The following FRAS1 variants were observed in gnomAD, a reference collection of about 807,000 sequenced individuals.
The protein encoded by FRAS1 is Fraser extracellular matrix complex subunit 1.
In FRAS1, 290 loss-of-function variants were observed where a neutral mutation model predicts 435.2. The observed-to-expected ratio is 0.67, with a 90% CI of 0.61 to 0.73. FRAS1 has a LOEUF of 0.73. Ranked by LOEUF, FRAS1 falls within the 30% of genes least tolerant of loss-of-function variation. The pLI is 0.00. For synonymous variants in FRAS1, 1,800 were observed against 1,851.0 expected, an observed-to-expected ratio of 0.97 and a Z score of 0.71; for missense variants, 4,860 against 5,001.5, an observed-to-expected ratio of 0.97 and a Z score of 0.85.
intron 27 of FRAS1, among the ~76,000 whole-genome samples, chr4:78,383,584 G>A (rs28654799): frequency 0.14 from 21,295 of 152,016 alleles, 1,877 homozygotes; most frequent in African/African-American, 0.25. Context: ...ATGAACAGCC[G>A]TGTAATACAG....
At chr4:78,202,325 G>A (rs1723079974) in intron 2 of FRAS1, among the ~76,000 whole-genome samples, 1 of 152,192 alleles carries the variant, frequency 6.6e-6, no homozygotes, top group Non-Finnish European at 1.5e-5. Flanking sequence ...CTCTCTGGAT[G>A]GAGCAGTGAC....
intron 4 of FRAS1, among the ~76,000 whole-genome samples, chr4:78,249,993 TTTAAA>T (rs1725454750): frequency 6.6e-6 from 1 of 152,124 alleles, no homozygotes; most frequent in South Asian, 2.1e-4. Context: ...CTATATAGTC[TTTAAA>T]TTAAGACTTT....
chr4:78,372,951 C>A, intron 24 of FRAS1, 93 bp downstream of exon 24: 1 of 1,388,972 alleles, frequency 7.2e-7, no homozygotes, highest in African/African-American at 1.5e-5. Flanking sequence ...CAAGTTTCCC[C>A]TTCTGGCTTT....
Position 78,387,691 on chromosome 4 carries a change from C to T in FRAS1, c.3965C>T (p.Thr1322Ile). 1 of 1,521,248 alleles carries T rather than the reference C, an allele frequency of 6.6e-7. No homozygotes were observed. Among genetic ancestry groups the T allele is most frequent in the South Asian group, 1.4e-5 (1 of 72,142 alleles). 94.2% of individuals were successfully genotyped at this position (1,521,248 alleles called of 1,614,324 possible). A position where few individuals can be genotyped will look rare whatever the true frequency, so the allele number is the denominator to read the frequency against. ...CATAATATACTGTTCCAAGTGAAGA[C>T]CGTGCCTCAGGTAGGTGTCATTCCT... ...SFHNILFQVK[T>I]VPQNDRGLQL... Residue 1322 changes from threonine (T) to isoleucine (I), a missense_variant, in exon 29 of 74, where the codon ACC (threonine) becomes ATC (isoleucine). Transcript: ENST00000512123.
chr4:78,499,234 G>T (rs1293224446), intron 60 of FRAS1, among the ~76,000 whole-genome samples: 1 of 152,158 alleles, frequency 6.6e-6, no homozygotes, highest in Non-Finnish European at 1.5e-5. Context: ...GGGTCCAAAG[G>T]ACCAGAGGTG....
At chr4:78,217,418 G>T (rs942562959) in intron 2 of FRAS1, among the ~76,000 whole-genome samples, 3 of 152,088 alleles carry the variant, frequency 2.0e-5, no homozygotes, top group African/African-American at 7.2e-5. Context: ...AAAGTTGTTG[G>T]GGGGCATGTC....
chr4:78,207,369 A>G (rs2110081481), intron 2 of FRAS1, among the ~76,000 whole-genome samples: 1 of 152,362 alleles, frequency 6.6e-6, no homozygotes, highest in South Asian at 2.1e-4. Context: ...GCTGTCTCAG[A>G]TAAATTAAAG....
At chr4:78,187,058 CTG>C (rs1722303656) in intron 2 of FRAS1, among the ~76,000 whole-genome samples, 2 of 152,138 alleles carry the variant, frequency 1.3e-5, no homozygotes, top group Admixed American at 6.5e-5. Flanking sequence ...TAAAGAGAAA[CTG>C]TGGTCAACTC....
intron 2 of FRAS1, among the ~76,000 whole-genome samples, chr4:78,174,614 CAATT>C (rs1267605705): frequency 6.6e-6 from 1 of 152,200 alleles, no homozygotes; most frequent in East Asian, 1.9e-4. Context: ...AACTGTCTAA[CAATT>C]AAGATAAGCC....
chr4:78,477,080 G>A (rs1719874515), intron 54 of FRAS1, among the ~76,000 whole-genome samples: 1 of 151,826 alleles, frequency 6.6e-6, no homozygotes, highest in Non-Finnish European at 1.5e-5. Context: ...TTTGTACTGG[G>A]CTAAATTGAT....
At chr4:78,308,324 A>T in intron 15 of FRAS1, 115 bp downstream of exon 15, 1 of 1,047,546 alleles carries the variant, frequency 9.5e-7, no homozygotes, top group Non-Finnish European at 1.4e-6. Flanking sequence ...ATATATGTGA[A>T]TAGCTGCTGA....
At chr4:78,468,567 T>C (rs17003266) in intron 50 of FRAS1, among the ~76,000 whole-genome samples, 36,675 of 151,994 alleles carry the variant, frequency 0.24, 5,037 homozygotes, top group South Asian at 0.52. Flanking sequence ...TCTCTTGAGG[T>C]TGTGCAACTG....
In FRAS1 at chr4:78,438,925, A is replaced by C. The variant is rs1734541174; in HGVS notation, c.5390A>C (p.Asp1797Ala). The C allele has an allele frequency of 6.2e-7, 1 of 1,608,866 alleles. No homozygotes were observed. The highest frequency in any genetic ancestry group is 1.3e-5 in the African/African-American group (1 of 74,584). ...AGATACTCAGCTGTGTTTGAAACTG[A>C]TGGTCATCTGGTTACTGATAGCTTC... ...KIRYSAVFET[D>A]GHLVTDSFYF... The change falls in exon 40 of 74, where the codon GAT becomes GCT. Residue 1797 changes from aspartate (D) to alanine (A), a missense_variant. By Grantham distance (126) the Asp-to-Ala change is moderately radical. Coordinates refer to ENST00000512123, the MANE Select transcript of FRAS1 (RefSeq NM_025074.7).
At chr4:78,501,425 A>G (rs960801180) in intron 61 of FRAS1, among the ~76,000 whole-genome samples, 14 of 152,288 alleles carry the variant, frequency 9.2e-5, no homozygotes, top group Admixed American at 6.5e-4. Flanking sequence ...CGCAGTAAAC[A>G]TATGTGTGCA....
chr4:78,507,622 C>T lies in FRAS1; in HGVS notation c.9504+14C>T. The T allele has an allele frequency of 6.4e-7, 1 of 1,573,062 alleles. No homozygotes were observed. Among genetic ancestry groups the T allele is most frequent in the Middle Eastern group, 1.7e-4 (1 of 5,936 alleles). The stretch of plus-strand genomic sequence containing the variant: ...GCACCACCCATTGTGAGTTGCTTGA[C>T]CCAAAGGATTGCTGTTTTACGTCTC... On this transcript the variant is annotated intron_variant, in intron 62 of 73. Transcript: ENST00000512123.
rs56053753 is a variant in FRAS1 at position 78,463,476 on chromosome 4, G to C, written c.6764-545G>C. Among the ~76,000 whole-genome samples the C allele has an allele frequency of 4.2e-3, 645 of 152,306 alleles. 4 individuals carry two copies. Among genetic ancestry groups the C allele is most frequent in the African/African-American group, 0.015 (613 of 41,550 alleles). ...GGCTAAAGTGGGATGGGAGAAGCTA[G>C]AATCGTAGACCTGAGAGTTAAAAAG... On this transcript the variant is annotated intron_variant, in intron 47 of 73. Transcript: ENST00000512123.
chr4:78,527,982 TTCA>T (rs1721597114), intron 70 of FRAS1, among the ~76,000 whole-genome samples: 1 of 151,578 alleles, frequency 6.6e-6, no homozygotes, highest in South Asian at 2.1e-4. Flanking sequence ...GCACAGAGAG[TTCA>T]TCCACTGAAG....
At chr4:78,131,888 A>G in intron 2 of FRAS1, among the ~76,000 whole-genome samples, 1 of 152,248 alleles carries the variant, frequency 6.6e-6, no homozygotes. Context: ...TTCTAAATCA[A>G]GATCTGGGTA....
chr4:78,401,591 T>C (rs975835426), intron 30 of FRAS1, among the ~76,000 whole-genome samples: 7 of 152,132 alleles, frequency 4.6e-5, no homozygotes, highest in African/African-American at 1.4e-4. Flanking sequence ...GACAGAGCAT[T>C]GGAATTAAGA....
Sources: allele counts gnomAD v4.1 joint callset (sites outside exome capture counted in the v4.1 genomes callset), GRCh38; gene constraint gnomAD v4.1.1; transcripts MANE v1.5; gene names NCBI Gene and HGNC (gene_info 2026-07-23, HGNC 2026-07-21).